RBFOX1: variants seen among roughly 807,000 people sequenced by gnomAD.
RBFOX1 encodes the protein RNA binding protein fox-1 homolog 1.
A neutral mutation model predicts 57.7 loss-of-function variants in RBFOX1; 8 were observed. That is an observed-to-expected ratio of 0.14 (90% CI 0.08 to 0.25). The LOEUF is 0.25. Among genes scored for constraint, RBFOX1 ranks in the 10% least tolerant of loss-of-function variants. The probability of loss-of-function intolerance (pLI) is 1.00; values close to 1 mark genes in which losing one functional copy is unlikely to be tolerated. For synonymous variants in RBFOX1, 326 were observed against 222.4 expected, an observed-to-expected ratio of 1.47 and a Z score of -4.15; for missense variants, 611 against 548.5, an observed-to-expected ratio of 1.11 and a Z score of -1.14.
chr16:6,763,777 T>G (rs1212744656), intron 3 of RBFOX1, among the ~76,000 whole-genome samples: 1 of 152,208 alleles, frequency 6.6e-6, no homozygotes, highest in African/African-American at 2.4e-5. Flanking sequence ...ACATTAAATG[T>G]TTAAATGTGT....
chr16:6,822,091 T>G (rs1290121950), intron 3 of RBFOX1, among the ~76,000 whole-genome samples: 2 of 152,040 alleles, frequency 1.3e-5, no homozygotes, highest in African/African-American at 2.4e-5. Context: ...TTGCGTGTGA[T>G]TTTTCTGCAG....
intron 3 of RBFOX1, among the ~76,000 whole-genome samples, chr16:6,855,449 A>G (rs944142274): frequency 1.3e-5 from 2 of 152,050 alleles, no homozygotes; most frequent in Non-Finnish European, 2.9e-5. Context: ...CAGGAGATCG[A>G]GACCATCCTG....
chr16:7,461,247 A>T (rs1472618799), intron 4 of RBFOX1, among the ~76,000 whole-genome samples: 1 of 151,630 alleles, frequency 6.6e-6, no homozygotes, highest in African/African-American at 2.4e-5. Flanking sequence ...GGCTCACTGC[A>T]ACCTCCACCT....
At chr16:6,813,069 T>C (rs2089162919) in intron 3 of RBFOX1, among the ~76,000 whole-genome samples, 1 of 151,920 alleles carries the variant, frequency 6.6e-6, no homozygotes, top group Admixed American at 6.6e-5. Flanking sequence ...TGCTGATGTA[T>C]ATGAAGAAAA....
At chr16:7,292,115 T>A (rs1459817829) in intron 4 of RBFOX1, among the ~76,000 whole-genome samples, 1 of 76,458 alleles carries the variant, frequency 1.3e-5, no homozygotes, top group African/African-American at 4.9e-5. Context: ...GTATTATGTA[T>A]AATATATAAT....
At chr16:5,700,225 C>T (rs1253962640) in intron 3 of RBFOX1, among the ~76,000 whole-genome samples, 1 of 151,876 alleles carries the variant, frequency 6.6e-6, no homozygotes, top group Non-Finnish European at 1.5e-5. Context: ...ACTATTCGAT[C>T]AATTTTTGTG....
intron 2 of RBFOX1, among the ~76,000 whole-genome samples, chr16:6,386,566 C>G (rs2092296534): frequency 6.6e-6 from 1 of 152,128 alleles, no homozygotes; most frequent in African/African-American, 2.4e-5. Flanking sequence ...CAGCAACAAC[C>G]AATAAATGGA....
intron 3 of RBFOX1, among the ~76,000 whole-genome samples, chr16:5,663,645 T>A (rs1179456617): frequency 6.6e-6 from 1 of 152,176 alleles, no homozygotes; most frequent in African/African-American, 2.4e-5. Context: ...AGCCAGCAGC[T>A]GTAAAGCCCC....
At chr16:6,840,404 A>C (rs1477160526) in intron 3 of RBFOX1, among the ~76,000 whole-genome samples, 3 of 152,182 alleles carry the variant, frequency 2.0e-5, no homozygotes, top group African/African-American at 7.2e-5. Flanking sequence ...CCTTCATTAA[A>C]TGTTGAGTAT....
At chr16:7,233,096 A>G (rs1044727546) in intron 4 of RBFOX1, among the ~76,000 whole-genome samples, 4 of 152,056 alleles carry the variant, frequency 2.6e-5, no homozygotes, top group Admixed American at 6.6e-5. Flanking sequence ...CCATCTCACA[A>G]TGTACATAGG....
intron 5 of RBFOX1, among the ~76,000 whole-genome samples, chr16:7,575,122 G>A (rs1213023302): frequency 6.6e-6 from 1 of 151,992 alleles, no homozygotes; most frequent in South Asian, 2.1e-4. Flanking sequence ...CTGGATTTAG[G>A]ATGGGCTCAA....
chr16:6,203,564 A>T (rs1567671792), intron 1 of RBFOX1, among the ~76,000 whole-genome samples: 1 of 152,294 alleles, frequency 6.6e-6, no homozygotes, highest in East Asian at 1.9e-4. Flanking sequence ...CATATATCTC[A>T]TGGAGATTCT....
At chr16:7,391,194 C>T (rs908002581) in intron 4 of RBFOX1, among the ~76,000 whole-genome samples, 3 of 152,206 alleles carry the variant, frequency 2.0e-5, no homozygotes, top group African/African-American at 7.2e-5. Flanking sequence ...ACTGGCCCCA[C>T]CTCCGTCCCA....
chr16:7,563,689 C>G (rs1012161611), intron 5 of RBFOX1, among the ~76,000 whole-genome samples: 2 of 152,068 alleles, frequency 1.3e-5, no homozygotes, highest in Admixed American at 6.5e-5. Flanking sequence ...AGACTGGTCT[C>G]CAACTCCTGA....
intron 4 of RBFOX1, among the ~76,000 whole-genome samples, chr16:7,175,641 C>A (rs2081511453): frequency 6.6e-6 from 1 of 152,232 alleles, no homozygotes; most frequent in Non-Finnish European, 1.5e-5. Flanking sequence ...ACCCCAACAG[C>A]TGTGTGCCTC....
chr16:6,884,982 C>T (rs11864120), intron 3 of RBFOX1, among the ~76,000 whole-genome samples: 2 of 152,170 alleles, frequency 1.3e-5, no homozygotes, highest in African/African-American at 2.4e-5. Flanking sequence ...CTATCTTATT[C>T]TAAAGCTTTG....
chr16:6,898,449 C>G (rs1198181417), intron 3 of RBFOX1, among the ~76,000 whole-genome samples: 1 of 152,130 alleles, frequency 6.6e-6, no homozygotes, highest in African/African-American at 2.4e-5. Context: ...CATTTGGAAT[C>G]AGCTCTATCA....
chr16:7,472,618 C>A (rs909521667), intron 4 of RBFOX1, among the ~76,000 whole-genome samples: 1 of 152,164 alleles, frequency 6.6e-6, no homozygotes, highest in African/African-American at 2.4e-5. Flanking sequence ...CAATTCAGTT[C>A]TTCTCCTCCG....
intron 4 of RBFOX1, among the ~76,000 whole-genome samples, chr16:7,426,764 G>T (rs937150618): frequency 6.6e-6 from 1 of 151,994 alleles, no homozygotes; most frequent in Non-Finnish European, 1.5e-5. Context: ...AGAGTGAAGT[G>T]GTCTGCAGAC....
Sources: allele counts gnomAD v4.1 joint callset (sites outside exome capture counted in the v4.1 genomes callset), GRCh38; gene constraint gnomAD v4.1.1; transcripts MANE v1.5; gene names NCBI Gene and HGNC (gene_info 2026-07-23, HGNC 2026-07-21).